Variants in NLGN1 observed in about 807,000 individuals in gnomAD.
The protein encoded by NLGN1 is neuroligin-1.
In NLGN1, 12 loss-of-function variants were observed where a neutral mutation model predicts 65.5. The observed-to-expected ratio is 0.18, with a 90% CI of 0.12 to 0.30. NLGN1 has a LOEUF of 0.30. Ranked by LOEUF, NLGN1 falls within the 10% of genes least tolerant of loss-of-function variation. The pLI, the probability that NLGN1 is intolerant of heterozygous loss-of-function variation, is 1.00. For synonymous variants in NLGN1, 350 were observed against 359.5 expected (o/e 0.97, Z 0.30); for missense variants, 750 against 1,007.1 (o/e 0.74, Z 3.46).
chr3:173,858,447 C>A lies in NLGN1; in HGVS notation c.646+50615C>A, dbSNP rs138129217. Among the ~76,000 whole-genome samples, 644 of 151,984 alleles carry A rather than the reference C, an allele frequency of 4.2e-3. 3 individuals carry two copies. Among genetic ancestry groups the A allele is most frequent in the African/African-American group, 0.015 (617 of 41,498 alleles). On this transcript the variant is annotated intron_variant, in intron 4 of 6. Coordinates refer to ENST00000457714, the Ensembl canonical transcript of NLGN1. ...TTACCTTCTGTTTTAAAATTATAAT[C>A]CAGTAATCAAGCCTATGTAGGTTCT...
intron 4 of NLGN1, among the ~76,000 whole-genome samples, chr3:173,842,670 A>G (rs1356993706): frequency 6.6e-6 from 1 of 152,218 alleles, no homozygotes; most frequent in Non-Finnish European, 1.5e-5. Flanking sequence ...CATCCAGGTC[A>G]CGCTGATGCA....
chr3:173,713,605 G>T (rs926634445), intron 3 of NLGN1, among the ~76,000 whole-genome samples: 1 of 151,948 alleles, frequency 6.6e-6, no homozygotes, highest in African/African-American at 2.4e-5. Flanking sequence ...ATATTTTCTA[G>T]CTTATTTCAC....
chr3:173,807,593 C>A (rs1427523255), intron 3 of NLGN1, 87 bp from the exon 4 acceptor site: 1 of 1,466,136 alleles, frequency 6.8e-7, no homozygotes, highest in African/African-American at 1.4e-5. Flanking sequence ...ATTATGCCCT[C>A]TTTTCACTAA....
At chr3:173,698,973 C>T (rs1766676854) in intron 3 of NLGN1, among the ~76,000 whole-genome samples, 1 of 152,124 alleles carries the variant, frequency 6.6e-6, no homozygotes, top group South Asian at 2.1e-4. Flanking sequence ...TCTCCTGCCT[C>T]AGCCTCCCGA....
chr3:173,986,054 C>A (rs1014507471), intron 4 of NLGN1, among the ~76,000 whole-genome samples: 4 of 152,178 alleles, frequency 2.6e-5, no homozygotes, highest in Admixed American at 1.3e-4. Context: ...ATGCCCAGTA[C>A]TTCACCGTGT....
At chr3:173,711,686 C>T (rs1769016204) in intron 3 of NLGN1, among the ~76,000 whole-genome samples, 1 of 152,048 alleles carries the variant, frequency 6.6e-6, no homozygotes, top group African/African-American at 2.4e-5. Context: ...CTTACCTGTT[C>T]TTATGAGGTA....
intron 4 of NLGN1, among the ~76,000 whole-genome samples, chr3:174,073,480 A>G (rs1047563609): frequency 6.6e-6 from 1 of 152,136 alleles, no homozygotes; most frequent in Admixed American, 6.6e-5. Context: ...AACTAAAATC[A>G]TTTCTTCCAC....
At chr3:173,635,536 A>G (rs749596420) in intron 3 of NLGN1, among the ~76,000 whole-genome samples, 22 of 152,182 alleles carry the variant, frequency 1.4e-4, no homozygotes, top group Non-Finnish European at 2.6e-4. Context: ...TACTGTCTTA[A>G]CTGTATTTCC....
At chr3:173,556,537 G>A (rs1741728320) in intron 2 of NLGN1, among the ~76,000 whole-genome samples, 1 of 152,054 alleles carries the variant, frequency 6.6e-6, no homozygotes, top group Non-Finnish European at 1.5e-5. Flanking sequence ...ATTTTTGGCT[G>A]GGTACAGTGA....
At chr3:173,833,537 T>G (rs541897630) in intron 4 of NLGN1, among the ~76,000 whole-genome samples, 124 of 152,298 alleles carry the variant, frequency 8.1e-4, no homozygotes, top group Non-Finnish European at 1.6e-3. Flanking sequence ...TTTATTTTTT[T>G]GAGATCATTT....
intron 3 of NLGN1, among the ~76,000 whole-genome samples, chr3:173,614,493 TCACCATCTTTCTCAGCG>T: frequency 6.6e-6 from 1 of 152,116 alleles, no homozygotes; most frequent in Admixed American, 6.5e-5. Context: ...CTTCCTCAGC[TCACCATCTTTCTCAGCG>T]CACCATCTTT....
chr3:173,435,676 A>T (rs1163907900), intron 2 of NLGN1, among the ~76,000 whole-genome samples: 1 of 152,124 alleles, frequency 6.6e-6, no homozygotes, highest in Non-Finnish European at 1.5e-5. Context: ...CTCTACTAAA[A>T]ATACAAAAAT....
chr3:173,859,548 A>G (rs1728669367), intron 4 of NLGN1, among the ~76,000 whole-genome samples: 1 of 152,154 alleles, frequency 6.6e-6, no homozygotes, highest in Non-Finnish European at 1.5e-5. Flanking sequence ...GTTGTGTGAT[A>G]TGAACTAAAG....
intron 4 of NLGN1, among the ~76,000 whole-genome samples, chr3:174,101,884 A>G (rs1248105653): frequency 6.6e-6 from 1 of 152,184 alleles, no homozygotes; most frequent in Non-Finnish European, 1.5e-5. Flanking sequence ...GACAAAGAAA[A>G]CAGTGAAGAA....
At chr3:174,168,426 CTCTT>C (rs1315458435) in intron 4 of NLGN1, among the ~76,000 whole-genome samples, 2 of 151,806 alleles carry the variant, frequency 1.3e-5, no homozygotes, top group Admixed American at 1.3e-4. Context: ...ATTTTTCTTT[CTCTT>C]TCTATTTTCC....
chr3:173,675,887 TCA>T (rs35370304), intron 3 of NLGN1, among the ~76,000 whole-genome samples: 2,686 of 138,094 alleles, frequency 0.019, 35 homozygotes, highest in African/African-American at 0.028. Flanking sequence ...TCTCTCTCTC[TCA>T]CACACACACA....
intron 3 of NLGN1, among the ~76,000 whole-genome samples, chr3:173,641,528 T>G (rs954778090): frequency 6.6e-6 from 1 of 152,128 alleles, no homozygotes; most frequent in Non-Finnish European, 1.5e-5. Flanking sequence ...TGACCTCAGG[T>G]GATCCACCCA....
At chr3:173,763,283 A>G (rs574281484) in intron 3 of NLGN1, among the ~76,000 whole-genome samples, 10 of 152,104 alleles carry the variant, frequency 6.6e-5, no homozygotes, top group Non-Finnish European at 1.2e-4. Context: ...TTTTTGTCCT[A>G]ACCCCCACTA....
intron 4 of NLGN1, among the ~76,000 whole-genome samples, chr3:174,266,789 A>C (rs1227307672): frequency 2.6e-5 from 4 of 152,144 alleles, no homozygotes; most frequent in African/African-American, 9.7e-5. Context: ...AAATGTGGTA[A>C]ATTTAACCCT....
Sources: allele counts gnomAD v4.1 joint callset (sites outside exome capture counted in the v4.1 genomes callset), GRCh38; gene constraint gnomAD v4.1.1; transcripts MANE v1.5; gene names NCBI Gene and HGNC (gene_info 2026-07-23, HGNC 2026-07-21).